ARL17B: variants seen among roughly 807,000 people sequenced by gnomAD.
ARL17B encodes ARF like GTPase 17B, also known as ADP-ribosylation factor-like protein 17.
chr17:46,334,894 C>T (rs1481310467), downstream of ARL17B: 1 of 130,378 alleles, frequency 7.7e-6, no homozygotes, highest in Non-Finnish European at 1.7e-5. Flanking sequence ...TACAATATAA[C>T]AACTGTCAAC....
intron 4 of ARL17B, among the ~76,000 whole-genome samples, chr17:46,278,409 TTTGTTG>T (rs891135752): frequency 1.8e-4 from 19 of 104,980 alleles, no homozygotes; most frequent in Non-Finnish European, 3.5e-4. Context: ...TTGTTTTTTT[TTTGTTG>T]TTGTTTTAAG....
downstream of ARL17B, among the ~76,000 whole-genome samples, chr17:46,298,709 G>T (rs1333808742): frequency 2.0e-5 from 2 of 102,370 alleles, no homozygotes; most frequent in African/African-American, 6.2e-5. Context: ...GGGCGACAGA[G>T]CAAGACTCCA....
At chr17:46,290,327 T>C (rs2143451958) in intron 4 of ARL17B, among the ~76,000 whole-genome samples, 1 of 152,222 alleles carries the variant, frequency 6.6e-6, no homozygotes, top group South Asian at 2.1e-4. Context: ...GGTTTTGCCA[T>C]GTTGCCCAGG....
intron 4 of ARL17B, among the ~76,000 whole-genome samples, chr17:46,275,744 C>CGT (rs913858978): frequency 6.6e-6 from 1 of 151,798 alleles, no homozygotes; most frequent in African/African-American, 2.4e-5. Context: ...GTGAAAGGTG[C>CGT]GTGTGTGTGT....
intron 3 of ARL17B, among the ~76,000 whole-genome samples, chr17:46,304,951 G>T (rs1447050625): frequency 1.5e-5 from 1 of 67,640 alleles, no homozygotes; most frequent in African/African-American, 3.4e-5. Flanking sequence ...TCACTGCAAG[G>T]TCCGCCTCCT....
intron 2 of ARL17B, among the ~76,000 whole-genome samples, chr17:46,356,965 G>A (rs1401510970): frequency 3.0e-5 from 1 of 32,806 alleles, no homozygotes; most frequent in Non-Finnish European, 5.0e-5. Flanking sequence ...TTGAGGTCAG[G>A]AGTTCCAGAC....
chr17:46,279,310 A>G lies in ARL17B; in HGVS notation c.*22-3892T>C, dbSNP rs186389545. ...GCAATTCACTTGCCTCAGCCTCCCA[A>G]GTAGCGAGGATTACAGGTGCCTACC... On this transcript the variant is annotated intron_variant, in intron 4 of 4. Coordinates refer to the ARL17B transcript ENST00000570618. 1.7e-4 allele frequency among the ~76,000 whole-genome samples: 26 copies of G among 151,318 alleles called. No homozygotes were observed. In the East Asian group the frequency reaches 4.3e-3, roughly 25 times the overall value.
intron 4 of ARL17B, among the ~76,000 whole-genome samples, chr17:46,276,114 C>T (rs556482143): frequency 2.6e-5 from 4 of 152,352 alleles, no homozygotes; most frequent in Non-Finnish European, 5.9e-5. Flanking sequence ...TGGTCGCAAA[C>T]TCCTGACCTC....
At chr17:46,352,282 TAA>T (rs138163080) in intron 3 of ARL17B, among the ~76,000 whole-genome samples, 10,591 of 45,516 alleles carry the variant, frequency 0.23, 1,037 homozygotes, top group Admixed American at 0.31. Flanking sequence ...AACGCAACAG[TAA>T]AAAAAAAAAA....
intron 3 of ARL17B, among the ~76,000 whole-genome samples, chr17:46,316,569 G>T (rs887045654): frequency 1.5e-5 from 1 of 67,576 alleles, no homozygotes; most frequent in Non-Finnish European, 4.3e-5. Context: ...CTGGGTAGCT[G>T]AGACTACAGG....
intron 4 of ARL17B, among the ~76,000 whole-genome samples, chr17:46,285,518 G>A (rs1285262878): frequency 1.3e-5 from 2 of 152,174 alleles, no homozygotes; most frequent in Non-Finnish European, 2.9e-5. Flanking sequence ...TGGGATTACA[G>A]GTGTGAGCCC....
chr17:46,276,807 T>TC (rs1567848897), intron 4 of ARL17B, among the ~76,000 whole-genome samples: 1 of 149,604 alleles, frequency 6.7e-6, no homozygotes. Context: ...TTTTTTTTTT[T>TC]GATTTGTTTG....
chr17:46,327,970 A>G (rs117787287), intron 3 of ARL17B, among the ~76,000 whole-genome samples: 27,126 of 66,684 alleles, frequency 0.41, 12,559 homozygotes, highest in Non-Finnish European at 0.92. Context: ...TCCAGGTTAA[A>G]CTATTTTTAA....
intron 4 of ARL17B, among the ~76,000 whole-genome samples, chr17:46,286,399 G>A (rs2049912962): frequency 6.6e-6 from 1 of 152,182 alleles, no homozygotes; most frequent in East Asian, 1.9e-4. Context: ...GTACCATGTG[G>A]GAGTTCAAAA....
At position 46,284,933 on chromosome 17, in the gene ARL17B, G is replaced by A. The variant is rs548412035; in HGVS notation, c.*22-9515C>T. On this transcript the variant is annotated intron_variant, in intron 4 of 4. Coordinates refer to the ARL17B transcript ENST00000570618. ...CATCCAGGCTGGAGTGGAGTGGCAC[G>A]ATCATAGCTCACTGTAGCCTCCTGT... 3.7e-4 allele frequency among the ~76,000 whole-genome samples: 57 copies of A among 152,320 alleles called. No homozygotes were observed. In the South Asian group the frequency reaches 9.5e-3, roughly 25 times the overall value.
intron 4 of ARL17B, among the ~76,000 whole-genome samples, chr17:46,287,535 G>C (rs1225304271): frequency 6.6e-6 from 1 of 152,256 alleles, no homozygotes; most frequent in African/African-American, 2.4e-5. Context: ...ACTAAGAAAG[G>C]TACATAGAGC....
intron 4 of ARL17B, among the ~76,000 whole-genome samples, chr17:46,276,039 T>C (rs2049578323): frequency 2.0e-5 from 3 of 152,184 alleles, no homozygotes; most frequent in Non-Finnish European, 4.4e-5. Context: ...TACAGGTGCC[T>C]GCCACCACAC....
intron 4 of ARL17B, among the ~76,000 whole-genome samples, chr17:46,277,742 G>A (rs1350391992): frequency 6.6e-6 from 1 of 151,900 alleles, no homozygotes; most frequent in African/African-American, 2.4e-5. Context: ...CTCCTCCTGG[G>A]TTCAAATGAT....
chr17:46,288,706 C>CTTTTTTTTTTTTTTT (rs199591277), intron 4 of ARL17B, among the ~76,000 whole-genome samples: 1 of 139,054 alleles, frequency 7.2e-6, no homozygotes, highest in Non-Finnish European at 1.6e-5. Flanking sequence ...CTTGTTTTTT[C>CTTTTTTTTTTTTTTT]TTTTTTTTTT....
Sources: allele counts gnomAD v4.1 joint callset (sites outside exome capture counted in the v4.1 genomes callset), GRCh38; gene constraint gnomAD v4.1.1; transcripts MANE v1.5; gene names NCBI Gene and HGNC (gene_info 2026-07-23, HGNC 2026-07-21).